The following INPP5A variants were observed in gnomAD, a reference collection of about 807,000 sequenced individuals.
INPP5A encodes inositol polyphosphate-5-phosphatase A.
Under a neutral mutation model 65.2 loss-of-function variants are expected in INPP5A, and 14 were observed. The ratio of observed to expected loss-of-function variants is 0.21; its 90% CI spans 0.14 to 0.34. The LOEUF (loss-of-function observed/expected upper bound fraction) is 0.34, where lower values mean the gene tolerates loss of function less well. INPP5A is among the 10% of genes least tolerant of loss of function. The pLI is 1.00. For missense variants in INPP5A, 431 were observed against 545.6 expected, an observed-to-expected ratio of 0.79 and a Z score of 2.09; for synonymous variants, 207 against 208.3, an observed-to-expected ratio of 0.99 and a Z score of 0.05.
chr10:132,691,899 G>A (rs1486919788), intron 5 of INPP5A, among the ~76,000 whole-genome samples: 1 of 151,430 alleles, frequency 6.6e-6, no homozygotes, highest in Admixed American at 6.6e-5. Flanking sequence ...GGAGACATGC[G>A]GTCGCGGGAG....
At chr10:132,765,423 C>T (rs1361537513) in intron 11 of INPP5A, among the ~76,000 whole-genome samples, 1 of 152,244 alleles carries the variant, frequency 6.6e-6, no homozygotes, top group Non-Finnish European at 1.5e-5. Flanking sequence ...GCTGTGTTCC[C>T]TCTGCTGGGG....
chr10:132,664,931 T>C (rs564837525), intron 4 of INPP5A, among the ~76,000 whole-genome samples: 127 of 152,308 alleles, frequency 8.3e-4, no homozygotes, highest in African/African-American at 3.0e-3. Context: ...GAGTCCCCGA[T>C]GTAGGCTTGT....
intron 9 of INPP5A, among the ~76,000 whole-genome samples, chr10:132,733,786 C>T (rs567851700): frequency 6.6e-6 from 1 of 152,354 alleles, no homozygotes; most frequent in South Asian, 2.1e-4. Flanking sequence ...TGATGCCGGC[C>T]TCTGCACCTG....
chr10:132,590,803 A>G, intron 1 of INPP5A, among the ~76,000 whole-genome samples: 1 of 151,974 alleles, frequency 6.6e-6, no homozygotes, highest in East Asian at 1.9e-4. Context: ...AGTCTAGCCC[A>G]CTTGTCTTTA....
At chr10:132,672,520 T>C (rs573696823) in intron 4 of INPP5A, among the ~76,000 whole-genome samples, 15 of 152,306 alleles carry the variant, frequency 9.8e-5, no homozygotes, top group Admixed American at 7.2e-4. Flanking sequence ...ACAAGCTCTT[T>C]CTTTGCCTGC....
Position 132,650,521 on chromosome 10 carries a change from T to C in INPP5A, c.306+16T>C. On this transcript the variant is annotated intron_variant, in intron 4 of 15. Coordinates refer to ENST00000368594, the MANE Select transcript of INPP5A (RefSeq NM_005539.5). The surrounding 1 kb of genome is among the most constrained non-coding windows in gnomAD (Gnocchi z 5.5). ...GCACTTCACGGTGAGTCCCTCCCGC[T>C]GCCTGGTGCAGGGGTCAGACAGGCT... is the stretch of plus-strand genomic sequence containing the variant. 4 of 1,584,098 alleles carry C rather than the reference T, an allele frequency of 2.5e-6. No homozygotes were observed. Among genetic ancestry groups the C allele is most frequent in the Non-Finnish European group, 3.5e-6 (4 of 1,153,814 alleles).
intron 3 of INPP5A, among the ~76,000 whole-genome samples, chr10:132,648,256 G>T (rs969084633): frequency 6.6e-6 from 1 of 152,282 alleles, no homozygotes; most frequent in Non-Finnish European, 1.5e-5. Flanking sequence ...ACCGCAGGCC[G>T]GACGGGAACG....
chr10:132,719,025 G>T (rs1590952873), intron 8 of INPP5A, among the ~76,000 whole-genome samples: 1 of 147,342 alleles, frequency 6.8e-6, no homozygotes, highest in South Asian at 2.2e-4. Flanking sequence ...TGTCTTGCGG[G>T]TTCTGTGGTA....
chr10:132,720,547 C>T (rs1195037102), intron 8 of INPP5A, among the ~76,000 whole-genome samples: 1 of 147,374 alleles, frequency 6.8e-6, no homozygotes, highest in Non-Finnish European at 1.5e-5. Context: ...GCACCTTAGA[C>T]GACTGTCTTC....
chr10:132,774,520 A>G (rs1194629285), intron 12 of INPP5A, among the ~76,000 whole-genome samples: 1 of 152,184 alleles, frequency 6.6e-6, no homozygotes. Flanking sequence ...AGGGCGGCTG[A>G]GCACTGTGGC....
intron 4 of INPP5A, among the ~76,000 whole-genome samples, chr10:132,672,016 G>C (rs1204701244): frequency 2.6e-5 from 4 of 152,218 alleles, no homozygotes; most frequent in Non-Finnish European, 4.4e-5. Context: ...CTAAACTGTA[G>C]GTTTTAAAGC....
chr10:132,718,926 C>T (rs1845801812), intron 8 of INPP5A, among the ~76,000 whole-genome samples: 1 of 149,230 alleles, frequency 6.7e-6, no homozygotes, highest in Admixed American at 6.7e-5. Context: ...CTTGCGGGTT[C>T]TGTGGTACCT....
rs958454632 is a variant in INPP5A, at chr10:132,616,326, G to GC, written c.117+8371dup. On this transcript the variant is annotated intron_variant, in intron 2 of 15. Coordinates refer to ENST00000368594, the MANE Select transcript of INPP5A (RefSeq NM_005539.5). The surrounding 1 kb of genome is among the most constrained non-coding windows in gnomAD (Gnocchi z 4.9). ...ATGTGCAGTGTGGGGCATGTGGCGT[G>GC]CAGGGACGCCGTGGGCGTGGTGTGG... is the stretch of plus-strand genomic sequence containing the variant. Among the ~76,000 whole-genome samples the GC allele has an allele frequency of 7.1e-4, 108 of 152,272 alleles. No individual in the cohort carries two copies. Among genetic ancestry groups the GC allele is most frequent in the African/African-American group, 2.6e-3 (106 of 41,554 alleles).
At chr10:132,617,373 C>T (rs935605345) in intron 2 of INPP5A, among the ~76,000 whole-genome samples, 1 of 152,196 alleles carries the variant, frequency 6.6e-6, no homozygotes, top group African/African-American at 2.4e-5. Flanking sequence ...GAAGCTTTCC[C>T]TCCGGTGACT....
chr10:132,630,478 C>T (rs2072250885), intron 2 of INPP5A, among the ~76,000 whole-genome samples: 1 of 151,740 alleles, frequency 6.6e-6, no homozygotes. Context: ...TAGGGAAAGG[C>T]ATACATGAAG....
intron 4 of INPP5A, among the ~76,000 whole-genome samples, chr10:132,673,528 A>G (rs1394970498): frequency 6.6e-6 from 1 of 152,132 alleles, no homozygotes; most frequent in Non-Finnish European, 1.5e-5. Context: ...AGGCCATTCC[A>G]CCATTCTGTC....
chr10:132,559,348 G>A (rs1467920951), intron 1 of INPP5A, among the ~76,000 whole-genome samples: 3 of 152,182 alleles, frequency 2.0e-5, no homozygotes, highest in Non-Finnish European at 4.4e-5. Flanking sequence ...TATTGTTGTC[G>A]ATATTACTTT....
chr10:132,613,640 G>A (rs189136477), intron 2 of INPP5A, among the ~76,000 whole-genome samples: 19 of 152,274 alleles, frequency 1.2e-4, no homozygotes, highest in Non-Finnish European at 2.5e-4. Context: ...CCCCACTCTC[G>A]ATTTCAATGC....
At chr10:132,760,354 C>T (rs1219919552) in intron 11 of INPP5A, among the ~76,000 whole-genome samples, 1 of 152,208 alleles carries the variant, frequency 6.6e-6, no homozygotes, top group Non-Finnish European at 1.5e-5. Flanking sequence ...CTGTGCCGCA[C>T]GCCTGCGAGG....
Sources: gnomAD v4.1 joint callset for allele counts (sites outside exome capture counted in the v4.1 genomes callset) on GRCh38, gnomAD v4.1.1 for gene constraint, Gnocchi (gnomAD v3.1) non-coding constraint, MANE v1.5 for transcripts, NCBI Gene and HGNC (gene_info 2026-07-23, HGNC 2026-07-21) for gene names.